The following SRRM4 variants were observed in gnomAD, a reference collection of about 807,000 sequenced individuals.
SRRM4 encodes serine/arginine repetitive matrix protein 4.
SRRM4 carries 33 observed loss-of-function variants against 68.9 expected under a neutral mutation model. The ratio of observed to expected loss-of-function variants is 0.48; its 90% CI spans 0.36 to 0.64. The LOEUF (loss-of-function observed/expected upper bound fraction) is 0.64, where lower values mean the gene tolerates loss of function less well. SRRM4 is among the 30% of genes least tolerant of loss of function. The probability of loss-of-function intolerance (pLI) is 0.00; values close to 1 mark genes in which losing one functional copy is unlikely to be tolerated. For missense variants in SRRM4, 817 were observed against 827.1 expected (o/e 0.99, Z 0.15); for synonymous variants, 318 against 318.8 (o/e 1.00, Z 0.03).
chr12:119,039,984 C>A (rs1249022415), intron 1 of SRRM4, among the ~76,000 whole-genome samples: 6 of 152,126 alleles, frequency 3.9e-5, no homozygotes, highest in African/African-American at 1.4e-4. Flanking sequence ...TGGATGCCAA[C>A]TTTCACATAC....
chr12:119,127,463 C>T (rs966526718), intron 7 of SRRM4, among the ~76,000 whole-genome samples: 7 of 152,036 alleles, frequency 4.6e-5, no homozygotes, highest in Non-Finnish European at 8.8e-5. Context: ...TACAATGTCT[C>T]GCGCCTGTAA....
At position 118,981,786 on chromosome 12, in the gene SRRM4, C is replaced by G; in HGVS notation, c.-97C>G. ...CACCCCACCCCTCTCTGGGTTTCAC[C>G]CGGACAGAGCCGGGAGCTGGGTGTC... On this transcript the variant is annotated 5_prime_UTR_variant, in exon 1 of 13. Transcript: ENST00000267260. 6.9e-7 allele frequency: 1 copy of G among 1,440,196 alleles called. No homozygotes were observed. The highest frequency in any genetic ancestry group is 9.3e-7 in the Non-Finnish European group (1 of 1,070,960). The allele number at this position is 1,440,196 out of a possible 1,614,324, so 89.2% of individuals were successfully genotyped here.
intron 4 of SRRM4, among the ~76,000 whole-genome samples, 180 bp from the exon 5 acceptor site, chr12:119,120,070 C>A (rs1300407825): frequency 4.0e-5 from 6 of 150,096 alleles, no homozygotes; most frequent in Admixed American, 6.6e-5. Context: ...AAAAAAAAAA[C>A]TTTCAAACTC....
At chr12:119,097,075 G>A (rs1048537964) in intron 1 of SRRM4, among the ~76,000 whole-genome samples, 6 of 152,052 alleles carry the variant, frequency 3.9e-5, no homozygotes, top group South Asian at 2.1e-4. Context: ...GAGTGTGCCG[G>A]CCCTTGACTC....
chr12:119,111,305 AG>A (rs967852189), intron 2 of SRRM4, among the ~76,000 whole-genome samples: 21 of 151,970 alleles, frequency 1.4e-4, no homozygotes, highest in Admixed American at 3.9e-4. Flanking sequence ...AGGGAAAAAT[AG>A]GGGGTAGAAG....
At chr12:119,032,750 C>A (rs1412875536) in intron 1 of SRRM4, among the ~76,000 whole-genome samples, 1 of 152,132 alleles carries the variant, frequency 6.6e-6, no homozygotes, top group Non-Finnish European at 1.5e-5. Flanking sequence ...AGATCTTACT[C>A]TAGAGTGGCC....
chr12:119,033,406 C>G (rs1024358427), intron 1 of SRRM4, among the ~76,000 whole-genome samples: 34 of 152,290 alleles, frequency 2.2e-4, no homozygotes, highest in African/African-American at 8.2e-4. Context: ...TGGCTCACAC[C>G]TGTAATCCCA....
chr12:119,006,259 T>C (rs1027327240), intron 1 of SRRM4, among the ~76,000 whole-genome samples: 1 of 152,056 alleles, frequency 6.6e-6, no homozygotes, highest in African/African-American at 2.4e-5. Context: ...ACTCTTTCTC[T>C]CCCCTCTTTT....
chr12:119,071,450 G>A (rs369376691), intron 1 of SRRM4, among the ~76,000 whole-genome samples: 22 of 152,162 alleles, frequency 1.4e-4, no homozygotes, highest in Non-Finnish European at 2.1e-4. Context: ...CAGCACATAC[G>A]AAGCACACAG....
In SRRM4 at chr12:119,075,836, A is replaced by G. The variant is rs111205108; in HGVS notation, c.132-26400A>G. On this transcript the variant is annotated intron_variant, in intron 1 of 12. Coordinates refer to ENST00000267260, the MANE Select transcript of SRRM4 (RefSeq NM_194286.4). Reference sequence around the variant, plus strand: ...GATAACGGTGATGATGGTGATGGTGATGATGATGATGATGTTGATGATGGT... The same window carrying G: ...GATAACGGTGATGATGGTGATGGTGGTGATGATGATGATGTTGATGATGGT... Among the ~76,000 whole-genome samples, 14 of 29,144 alleles carry G rather than the reference A, an allele frequency of 4.8e-4. 1 individual carries two copies. The highest frequency in any genetic ancestry group is 1.2e-3 in the African/African-American group (13 of 10,662). 19.1% of individuals were successfully genotyped at this position (29,144 alleles called of 152,430 possible).
chr12:119,021,642 C>T lies in SRRM4; in HGVS notation c.131+39629C>T, dbSNP rs73405986. On this transcript the variant is annotated intron_variant, in intron 1 of 12. Coordinates refer to ENST00000267260, the MANE Select transcript of SRRM4 (RefSeq NM_194286.4). The stretch of plus-strand genomic sequence containing the variant: ...CTTTTGTCCCCTCCCACTAGGGACC[C>T]CACCCCTGAACTAAAGTTAGCAGAA... Among the ~76,000 whole-genome samples the T allele has an allele frequency of 1.0e-2, 1,516 of 152,256 alleles. 26 individuals are homozygous for T. Among genetic ancestry groups the T allele is most frequent in the African/African-American group, 0.034 (1,431 of 41,538 alleles).
At chr12:119,050,538 T>C (rs1953736058) in intron 1 of SRRM4, among the ~76,000 whole-genome samples, 1 of 152,220 alleles carries the variant, frequency 6.6e-6, no homozygotes, top group African/African-American at 2.4e-5. Context: ...GTGCATATGG[T>C]GGAACTTGCA....
rs145437968 is a variant in SRRM4 at position 118,991,483 on chromosome 12, C to T, written c.131+9470C>T. Among the ~76,000 whole-genome samples, 37 of 152,234 alleles carry T rather than the reference C, an allele frequency of 2.4e-4. 1 individual carries two copies. Among genetic ancestry groups the T allele is most frequent in the South Asian group, 1.9e-3 (9 of 4,812 alleles). On this transcript the variant is annotated intron_variant, in intron 1 of 12. Transcript: ENST00000267260. ...ATTTGTAATTATATATGGATTTGGG[C>T]GATCATTGGCTAAAGCATACCTCTC...
At chr12:119,049,928 A>C (rs1009550634) in intron 1 of SRRM4, among the ~76,000 whole-genome samples, 1 of 152,214 alleles carries the variant, frequency 6.6e-6, no homozygotes, top group South Asian at 2.1e-4. Flanking sequence ...AAACGCAATC[A>C]CATTTTAAAA....
At chr12:118,998,594 A>G (rs892081662) in intron 1 of SRRM4, among the ~76,000 whole-genome samples, 2 of 152,250 alleles carry the variant, frequency 1.3e-5, no homozygotes, top group African/African-American at 4.8e-5. Context: ...ATTTAATGTT[A>G]TCACTGGATT....
chr12:119,015,042 C>A (rs904105199), intron 1 of SRRM4, among the ~76,000 whole-genome samples: 1 of 152,074 alleles, frequency 6.6e-6, no homozygotes, highest in Non-Finnish European at 1.5e-5. Flanking sequence ...TGTGATCTGC[C>A]AATAAGATGG....
At position 119,019,952 on chromosome 12, in the gene SRRM4, C is replaced by G. The variant is rs867260249; in HGVS notation, c.131+37939C>G. 1.9e-4 allele frequency among the ~76,000 whole-genome samples: 14 copies of G among 72,438 alleles called. 1 individual carries two copies. The highest frequency in any genetic ancestry group is 5.4e-4 in the African/African-American group (12 of 22,242). 47.5% of individuals were successfully genotyped at this position (72,438 alleles called of 152,430 possible). On this transcript the variant is annotated intron_variant, in intron 1 of 12. Coordinates refer to ENST00000267260, the MANE Select transcript of SRRM4 (RefSeq NM_194286.4). Reference sequence around the variant, plus strand: ...AGCTCTGGACAGTTCCCCCCGCTCCCCCCCCCCCCAAAAAAAAATCACACA... The same window carrying G: ...AGCTCTGGACAGTTCCCCCCGCTCCGCCCCCCCCCAAAAAAAAATCACACA...
At chr12:119,133,802 A>G (rs1315962059) in intron 8 of SRRM4, among the ~76,000 whole-genome samples, 3 of 152,212 alleles carry the variant, frequency 2.0e-5, no homozygotes, top group Admixed American at 1.3e-4. Context: ...TCAGGATCCA[A>G]TTACTAAGAA....
At chr12:119,084,960 G>A (rs1053422283) in intron 1 of SRRM4, among the ~76,000 whole-genome samples, 1 of 152,196 alleles carries the variant, frequency 6.6e-6, no homozygotes, top group African/African-American at 2.4e-5. Flanking sequence ...GAATGCAGTG[G>A]TGCGATCTTG....
Sources: gnomAD v4.1 joint callset for allele counts (sites outside exome capture counted in the v4.1 genomes callset) on GRCh38, gnomAD v4.1.1 for gene constraint, MANE v1.5 for transcripts, NCBI Gene and HGNC (gene_info 2026-07-23, HGNC 2026-07-21) for gene names.